Variants in MLXIP observed in about 807,000 individuals in gnomAD.
MLXIP encodes MLX interacting protein, also known as MLX-interacting protein.
A neutral mutation model predicts 87.2 loss-of-function variants in MLXIP; 30 were observed. The observed-to-expected ratio is 0.34, with a 90% confidence interval of 0.26 to 0.47. The LOEUF is 0.47. Among genes scored for constraint, MLXIP ranks in the 20% least tolerant of loss-of-function variants. The pLI, the probability that MLXIP is intolerant of heterozygous loss-of-function variation, is 1.00. For synonymous variants in MLXIP, 530 were observed against 514.0 expected (o/e 1.03, Z -0.42); for missense variants, 1,002 against 1,240.1 (o/e 0.81, Z 2.88).
intron 1 of MLXIP, among the ~76,000 whole-genome samples, chr12:122,111,748 A>G (rs754317017): frequency 1.3e-5 from 2 of 152,166 alleles, no homozygotes; most frequent in Non-Finnish European, 2.9e-5. Context: ...ATGTTAGAAA[A>G]ATATGATCAG....
At chr12:122,093,461 ATGTT>A (rs1442583298) in intron 1 of MLXIP, among the ~76,000 whole-genome samples, 1 of 131,242 alleles carries the variant, frequency 7.6e-6, no homozygotes, top group Non-Finnish European at 1.6e-5. Flanking sequence ...GGGTGTGTGT[ATGTT>A]TGCGGTGTGT....
intron 1 of MLXIP, among the ~76,000 whole-genome samples, chr12:122,087,238 G>A (rs533606070): frequency 1.2e-4 from 19 of 152,306 alleles, no homozygotes; most frequent in African/African-American, 4.1e-4. Context: ...GTGCAGGCAC[G>A]GTTCTAGCCC....
At chr12:122,099,663 G>A (rs1314048963) in intron 1 of MLXIP, among the ~76,000 whole-genome samples, 1 of 152,258 alleles carries the variant, frequency 6.6e-6, no homozygotes, top group Non-Finnish European at 1.5e-5. Flanking sequence ...CCCTCAGGGG[G>A]AGGAGCAGAG....
intron 1 of MLXIP, among the ~76,000 whole-genome samples, chr12:122,119,423 G>A (rs1246056781): frequency 6.6e-6 from 1 of 151,884 alleles, no homozygotes; most frequent in Non-Finnish European, 1.5e-5. Flanking sequence ...GATGAGCCTC[G>A]CTGTGTCGCC....
intron 15 of MLXIP, 174 bp from the exon 16 acceptor site, chr12:122,140,780 A>G (rs1167790766): frequency 1.0e-6 from 1 of 971,310 alleles, no homozygotes; most frequent in Admixed American, 2.0e-5. Flanking sequence ...TGTTTTCATG[A>G]AGTGGAAGAC....
rs1452296609 is a variant in MLXIP at position 122,133,535 on chromosome 12, C to T, written c.1280C>T (p.Pro427Leu). 1 of 1,609,792 alleles carries T rather than the reference C, an allele frequency of 6.2e-7. No individual in the cohort carries two copies. Among genetic ancestry groups the T allele is most frequent in the Non-Finnish European group, 8.5e-7 (1 of 1,178,174 alleles). The change falls in exon 9 of 17, where the codon CCC becomes CTC. Residue 427 changes from proline (P) to leucine (L), a missense_variant. This residue lies in a region of MLXIP where 746 missense variants were observed against 897.0 expected (regional missense o/e 0.83). Coordinates refer to ENST00000319080, the MANE Select transcript of MLXIP (RefSeq NM_014938.6). The surrounding 1 kb of genome is among the most constrained non-coding windows in gnomAD (Gnocchi z 4.9). ...GAGCCGCCACTGAGTGTCCCGCAGCCCTTCCTCCCTGTCTTCACCATGCCC... is the reference window on the plus strand; with the variant it reads ...GAGCCGCCACTGAGTGTCCCGCAGCTCTTCCTCCCTGTCTTCACCATGCCC... ...PSEPPLSVPQPFLPVFTMPLL... is the reference protein window; with the variant it reads ...PSEPPLSVPQLFLPVFTMPLL...
intron 4 of MLXIP, 109 bp downstream of exon 4, chr12:122,129,335 T>C (rs1952933719): frequency 9.4e-7 from 1 of 1,061,360 alleles, no homozygotes; most frequent in Non-Finnish European, 1.4e-6. Flanking sequence ...CACCTGAACG[T>C]GGAGCGTCAA....
intron 1 of MLXIP, among the ~76,000 whole-genome samples, chr12:122,089,756 C>A (rs1000305820): frequency 2.0e-5 from 3 of 152,118 alleles, no homozygotes; most frequent in Non-Finnish European, 4.4e-5. Flanking sequence ...GCTGAATAGT[C>A]TTCAGTTTTT....
At chr12:122,117,459 CGATAGAGA>C in intron 1 of MLXIP, among the ~76,000 whole-genome samples, 1 of 152,236 alleles carries the variant, frequency 6.6e-6, no homozygotes, top group Non-Finnish European at 1.5e-5. Flanking sequence ...CAGGACTAGC[CGATAGAGA>C]CTGCCCTTTT....
At chr12:122,112,799 C>G (rs1247103031) in intron 1 of MLXIP, among the ~76,000 whole-genome samples, 1 of 152,128 alleles carries the variant, frequency 6.6e-6, no homozygotes, top group Non-Finnish European at 1.5e-5. Flanking sequence ...TTACCTAAAG[C>G]AGGATCCCTA....
chr12:122,136,616 G>C (rs754561659), intron 11 of MLXIP: 40 of 152,336 alleles, frequency 2.6e-4, no homozygotes, highest in African/African-American at 7.9e-4. Context: ...GTGACAGAGC[G>C]AGACTCAATC....
chr12:122,137,971 T>TC lies in MLXIP; in HGVS notation c.2155-220dup, dbSNP rs1953124552. ...GGATGCACCGGTTCAGCCCTGCCGT[T>TC]CCCAGCCCCAGCTGTGCACCATTCT... On this transcript the variant is annotated intron_variant, in intron 12 of 16. Coordinates refer to ENST00000319080, the MANE Select transcript of MLXIP (RefSeq NM_014938.6). This position sits in a 1 kb window ranked among gnomAD's most constrained non-coding sequence, Gnocchi z 4.1. Among the ~76,000 whole-genome samples the TC allele has an allele frequency of 6.6e-6, 1 of 152,184 alleles. No individual in the cohort carries two copies. Among genetic ancestry groups the TC allele is most frequent in the South Asian group, 2.1e-4 (1 of 4,836 alleles).
At chr12:122,098,061 C>T (rs1289667086) in intron 1 of MLXIP, among the ~76,000 whole-genome samples, 1 of 152,220 alleles carries the variant, frequency 6.6e-6, no homozygotes, top group African/African-American at 2.4e-5. Flanking sequence ...CTGGCAGGGC[C>T]TGTGTGGAGC....
chr12:122,118,714 G>A (rs1952730612), intron 1 of MLXIP, among the ~76,000 whole-genome samples: 1 of 151,886 alleles, frequency 6.6e-6, no homozygotes, highest in Non-Finnish European at 1.5e-5. Context: ...TGGGCGTGGT[G>A]GTACACGCCT....
intron 1 of MLXIP, among the ~76,000 whole-genome samples, chr12:122,111,637 A>G (rs942785731): frequency 1.3e-5 from 2 of 152,224 alleles, no homozygotes; most frequent in Non-Finnish European, 2.9e-5. Context: ...GTCAAACACA[A>G]TAAAATGAGG....
chr12:122,108,367 C>CAAAA (rs61424369), intron 1 of MLXIP, among the ~76,000 whole-genome samples: 10 of 80,520 alleles, frequency 1.2e-4, no homozygotes, highest in Non-Finnish European at 1.5e-4. Context: ...GACTCCATCT[C>CAAAA]AAAAAAAAAA....
At chr12:122,107,946 G>A (rs976690369) in intron 1 of MLXIP, among the ~76,000 whole-genome samples, 2 of 152,178 alleles carry the variant, frequency 1.3e-5, no homozygotes, top group Admixed American at 6.5e-5. Flanking sequence ...CCCCTGGCCG[G>A]CGGTGACTAG....
Position 122,135,594 on chromosome 12 carries a change from C to G in MLXIP, c.1960C>G (p.Gln654Glu). ...PVSRLFPSTA[Q>E]DPLGKGEQVP... is the part of the protein sequence containing the mutation. ...CTCCCGGCTCTTCCCAAGCACAGCGCAAGACCCCCTGGGGAAGGGCGAGCA... is the reference window on the plus strand; with the variant it reads ...CTCCCGGCTCTTCCCAAGCACAGCGGAAGACCCCCTGGGGAAGGGCGAGCA... Residue 654 changes from glutamine to glutamate, a missense_variant, in exon 11 of 17, where the codon CAA (glutamine) becomes GAA (glutamate). By Grantham distance (29) the Gln-to-Glu change is conservative. This residue lies in a region of MLXIP where 746 missense variants were observed against 897.0 expected (regional missense o/e 0.83). Transcript: ENST00000319080. This position sits in a 1 kb window ranked among gnomAD's most constrained non-coding sequence, Gnocchi z 5.3. The G allele has an allele frequency of 6.3e-7, 1 of 1,587,720 alleles. No homozygotes were observed. The highest frequency in any genetic ancestry group is 8.6e-7 in the Non-Finnish European group (1 of 1,168,218).
At chr12:122,126,331 G>A (rs1203293028) in intron 1 of MLXIP, among the ~76,000 whole-genome samples, 1 of 152,232 alleles carries the variant, frequency 6.6e-6, no homozygotes, top group Non-Finnish European at 1.5e-5. Context: ...CTTGTGTGCA[G>A]ACACTACTAC....
Sources: allele counts gnomAD v4.1 joint callset (sites outside exome capture counted in the v4.1 genomes callset), GRCh38; gene constraint gnomAD v4.1.1; regional missense constraint gnomAD v4.1.1; non-coding constraint Gnocchi (gnomAD v3.1); transcripts MANE v1.5; gene names NCBI Gene and HGNC (gene_info 2026-07-23, HGNC 2026-07-21).